The following RUFY4 variants were observed in gnomAD, a reference collection of about 807,000 sequenced individuals.
The protein encoded by RUFY4 is RUN and FYVE domain containing 4.
A neutral mutation model predicts 69.0 loss-of-function variants in RUFY4; 73 were observed. The observed-to-expected ratio is 1.06, with a 90% confidence interval of 0.88 to 1.29. RUFY4 has a LOEUF of 1.29. Among genes scored for constraint, RUFY4 ranks in the 50% most tolerant of loss-of-function variants. The probability of loss-of-function intolerance (pLI) is 0.00; values close to 1 mark genes in which losing one functional copy is unlikely to be tolerated. For synonymous variants in RUFY4, 287 were observed against 271.8 expected (o/e 1.06, Z -0.55); for missense variants, 770 against 705.6 (o/e 1.09, Z -1.03).
chr2:218,087,210 G>T (rs1426050157), intron 9 of RUFY4, among the ~76,000 whole-genome samples: 1 of 152,112 alleles, frequency 6.6e-6, no homozygotes, highest in Non-Finnish European at 1.5e-5. Flanking sequence ...GTTCTATAAA[G>T]GTTGTATATT....
At chr2:218,045,342 C>T (rs79271879) in intron 2 of RUFY4, among the ~76,000 whole-genome samples, 2,963 of 152,224 alleles carry the variant, frequency 0.019, 103 homozygotes, top group African/African-American at 0.068. Context: ...TTTATTGAAC[C>T]AGTGCAAATA....
chr2:218,047,265 GAAAAC>G (rs1386491643), intron 2 of RUFY4, among the ~76,000 whole-genome samples: 2 of 152,060 alleles, frequency 1.3e-5, no homozygotes, highest in Admixed American at 1.3e-4. Flanking sequence ...TTAACAGAGA[GAAAAC>G]CTAATTCTAA....
chr2:218,040,062 G>A (rs7570418), intron 2 of RUFY4, among the ~76,000 whole-genome samples: 13,277 of 152,114 alleles, frequency 0.087, 1,813 homozygotes, highest in African/African-American at 0.29. Flanking sequence ...TCAGACAGTT[G>A]CAAGCTTTCA....
chr2:218,056,334 C>G (rs897038679), intron 2 of RUFY4, among the ~76,000 whole-genome samples: 2 of 150,366 alleles, frequency 1.3e-5, no homozygotes, highest in Admixed American at 6.6e-5. Context: ...CCCCACACTT[C>G]AAGATGATTG....
intron 9 of RUFY4, among the ~76,000 whole-genome samples, chr2:218,084,388 T>C (rs1689843378): frequency 6.6e-6 from 1 of 152,030 alleles, no homozygotes; most frequent in African/African-American, 2.4e-5. Context: ...TATGCCACCA[T>C]GCCAGGCTAA....
intron 3 of RUFY4, chr2:218,060,537 G>A: frequency 7.7e-7 from 1 of 1,297,728 alleles, no homozygotes; most frequent in Non-Finnish European, 1.1e-6. Flanking sequence ...TGGCATCCAG[G>A]GCCTGGTTGA....
intron 2 of RUFY4, among the ~76,000 whole-genome samples, chr2:218,071,141 G>A (rs1289391434): frequency 6.6e-6 from 1 of 152,204 alleles, no homozygotes; most frequent in Non-Finnish European, 1.5e-5. Context: ...GATGTCCTAG[G>A]ACTGGCCCTT....
intron 2 of RUFY4, among the ~76,000 whole-genome samples, chr2:218,039,380 G>C (rs1959027603): frequency 6.6e-6 from 1 of 152,126 alleles, no homozygotes; most frequent in Admixed American, 6.5e-5. Context: ...AATGAATTGT[G>C]GTGGTGACAC....
intron 2 of RUFY4, among the ~76,000 whole-genome samples, chr2:218,046,944 G>T (rs544446712): frequency 4.0e-5 from 6 of 151,320 alleles, no homozygotes; most frequent in African/African-American, 7.3e-5. Flanking sequence ...ATGTCAAAAG[G>T]TTTAAAACAC....
chr2:218,040,307 G>A (rs1959043636), intron 2 of RUFY4, among the ~76,000 whole-genome samples: 1 of 152,118 alleles, frequency 6.6e-6, no homozygotes, highest in South Asian at 2.1e-4. Flanking sequence ...GGACTCAGAA[G>A]GGAGGTGTCG....
At chr2:218,071,761 A>G (rs1482269578) in intron 2 of RUFY4, among the ~76,000 whole-genome samples, 1 of 152,160 alleles carries the variant, frequency 6.6e-6, no homozygotes, top group Non-Finnish European at 1.5e-5. Context: ...TATCAGGGCC[A>G]CAGTGTCCCT....
At chr2:218,063,199 C>T (rs550495319) in intron 3 of RUFY4, among the ~76,000 whole-genome samples, 214 of 152,328 alleles carry the variant, frequency 1.4e-3, no homozygotes, top group Middle Eastern at 3.4e-3. Context: ...AAATAGATCA[C>T]CCTCTGGCCA....
intron 6 of RUFY4, among the ~76,000 whole-genome samples, chr2:218,074,341 C>G (rs961903790): frequency 6.6e-6 from 1 of 152,146 alleles, no homozygotes. Flanking sequence ...AGTTACTTGT[C>G]CTGCCCCATA....
At chr2:218,082,457 C>T (rs936527399) in intron 8 of RUFY4, among the ~76,000 whole-genome samples, 2 of 152,090 alleles carry the variant, frequency 1.3e-5, no homozygotes, top group African/African-American at 4.8e-5. Flanking sequence ...TGTTTAAAAA[C>T]AAAGCCGGGA....
intron 10 of RUFY4, chr2:218,089,665 C>G (rs767012041): frequency 3.1e-5 from 22 of 702,842 alleles, no homozygotes; most frequent in Admixed American, 2.0e-5. Context: ...AGCTGCTCCC[C>G]CTCCTTCCTC....
At chr2:218,054,451 A>T (rs1298755154) in intron 2 of RUFY4, among the ~76,000 whole-genome samples, 1 of 151,532 alleles carries the variant, frequency 6.6e-6, no homozygotes, top group African/African-American at 2.4e-5. Flanking sequence ...GCTACTCAGG[A>T]GGCTGAAGCA....
exon 8 of RUFY4, chr2:218,076,463 G>T (rs564452162): frequency 5.2e-6 from 8 of 1,550,106 alleles, no homozygotes; most frequent in South Asian, 4.8e-5. Context: ...TGAGGAGCAG[G>T]CCCAGCGCCA....
rs180719062 is a variant in RUFY4, at chr2:218,089,569, G to T, written c.1613+207G>T. The stretch of plus-strand genomic sequence containing the variant: ...GAGCAGAAGGATCAGATAAGGAATG[G>T]GGTCCGGGGAGTGGGATTGGGTCCC... On this transcript the variant is annotated intron_variant, in intron 10 of 10. Transcript: ENST00000344321. 1.9e-4 allele frequency: 121 copies of T among 651,806 alleles called. 1 individual carries two copies. In the African/African-American group the frequency reaches 2.0e-3, roughly 11 times the overall value. 40.4% of individuals were successfully genotyped at this position (651,806 alleles called of 1,614,324 possible).
At position 218,073,808 on chromosome 2, in the gene RUFY4, A is replaced by C. The variant is rs1177873189; in HGVS notation, c.531-8A>C. On this transcript the variant is annotated splice_region_variant and splice_polypyrimidine_tract_variant and intron_variant, in intron 5 of 10. Coordinates refer to ENST00000344321, the Ensembl canonical transcript of RUFY4. ...GGCCCAGGGTCCCCCTGCCTCTTTCACTTTCAGGTCACGCTGCTCCAGTTC... is the reference window on the plus strand; with the variant it reads ...GGCCCAGGGTCCCCCTGCCTCTTTCCCTTTCAGGTCACGCTGCTCCAGTTC... 6.2e-7 allele frequency: 1 copy of C among 1,613,834 alleles called. No individual in the cohort carries two copies. The highest frequency in any genetic ancestry group is 8.5e-7 in the Non-Finnish European group (1 of 1,179,840).
Sources: allele counts gnomAD v4.1 joint callset (sites outside exome capture counted in the v4.1 genomes callset), GRCh38; gene constraint gnomAD v4.1.1; transcripts MANE v1.5; gene names NCBI Gene and HGNC (gene_info 2026-07-23, HGNC 2026-07-21).